PRKCE: variants seen among roughly 807,000 people sequenced by gnomAD.
PRKCE encodes the protein protein kinase C epsilon.
In PRKCE, 16 loss-of-function variants were observed where a neutral mutation model predicts 85.4. The observed-to-expected ratio is 0.19, with a 90% CI of 0.13 to 0.28. The LOEUF is 0.28. Ranked by LOEUF, PRKCE falls within the 10% of genes least tolerant of loss-of-function variation. PRKCE has a pLI of 1.00. For missense variants in PRKCE, 573 were observed against 975.2 expected (o/e 0.59, Z 5.49); for synonymous variants, 388 against 371.5 (o/e 1.04, Z -0.51).
At chr2:45,997,423 AT>A (rs1558938024) in intron 6 of PRKCE, among the ~76,000 whole-genome samples, 1 of 152,028 alleles carries the variant, frequency 6.6e-6, no homozygotes, top group Non-Finnish European at 1.5e-5. Context: ...TAGATTATTG[AT>A]TTTTAGAATG....
intron 6 of PRKCE, among the ~76,000 whole-genome samples, chr2:45,995,762 A>T (rs1346051275): frequency 6.6e-6 from 1 of 152,160 alleles, no homozygotes; most frequent in Non-Finnish European, 1.5e-5. Flanking sequence ...GCTTTATAGT[A>T]AGTCTTGAAA....
At chr2:45,885,542 A>G (rs904451317) in intron 2 of PRKCE, among the ~76,000 whole-genome samples, 13 of 152,234 alleles carry the variant, frequency 8.5e-5, no homozygotes, top group African/African-American at 1.4e-4. Flanking sequence ...GGACCACTTC[A>G]TTTAAAAAAG....
At chr2:46,133,277 G>A (rs1170877324) in intron 11 of PRKCE, among the ~76,000 whole-genome samples, 1 of 152,152 alleles carries the variant, frequency 6.6e-6, no homozygotes, top group East Asian at 1.9e-4. Context: ...GGCTGGACTT[G>A]GAGCTACAAA....
At chr2:46,082,385 G>C (rs1457442255) in intron 10 of PRKCE, among the ~76,000 whole-genome samples, 3 of 152,162 alleles carry the variant, frequency 2.0e-5, no homozygotes, top group Non-Finnish European at 4.4e-5. Flanking sequence ...GAGGGAGAGA[G>C]AGGTATTAAA....
chr2:45,764,687 A>T (rs1203259197), intron 1 of PRKCE, among the ~76,000 whole-genome samples: 1 of 152,168 alleles, frequency 6.6e-6, no homozygotes, highest in East Asian at 1.9e-4. Flanking sequence ...TGATCTGTTC[A>T]TTTAGTAAGC....
At chr2:45,958,666 CTCTATGAGTTTTAATTT>C (rs1443651111) in intron 2 of PRKCE, among the ~76,000 whole-genome samples, 2 of 149,416 alleles carry the variant, frequency 1.3e-5, no homozygotes. Flanking sequence ...AGGGAGTTGT[CTCTATGAGTTTTAATTT>C]TCTATGAGTT....
At chr2:45,814,246 T>G (rs553824849) in intron 1 of PRKCE, among the ~76,000 whole-genome samples, 1 of 152,346 alleles carries the variant, frequency 6.6e-6, no homozygotes, top group African/African-American at 2.4e-5. Flanking sequence ...AGTGGCAAAC[T>G]TGACGGATTT....
At chr2:45,883,169 C>T (rs1203887410) in intron 2 of PRKCE, among the ~76,000 whole-genome samples, 1 of 152,256 alleles carries the variant, frequency 6.6e-6, no homozygotes, top group Non-Finnish European at 1.5e-5. Flanking sequence ...TGTGTGTTCA[C>T]TGCATATCGA....
chr2:46,170,898 A>G (rs1678829335), intron 14 of PRKCE, among the ~76,000 whole-genome samples: 1 of 152,202 alleles, frequency 6.6e-6, no homozygotes, highest in African/African-American at 2.4e-5. Flanking sequence ...AAGTGGAGGA[A>G]CTGGGCCTTT....
Position 46,184,621 on chromosome 2 carries a change from G to A in PRKCE, c.2068-114G>A. 7.4e-7 allele frequency: 1 copy of A among 1,344,402 alleles called. No individual in the cohort carries two copies. The highest frequency in any genetic ancestry group is 1.4e-5 in the South Asian group (1 of 72,334). 83.3% of individuals were successfully genotyped at this position (1,344,402 alleles called of 1,614,324 possible). A position where few individuals can be genotyped will look rare whatever the true frequency, so the allele number is the denominator to read the frequency against. On this transcript the variant is annotated intron_variant, in intron 14 of 14. Transcript: ENST00000306156. This position sits in a 1 kb window ranked among gnomAD's most constrained non-coding sequence, Gnocchi z 5.0. ...ACAGCCCCGTGTCTGCTGTCTGTTG[G>A]TAGCTAGAGGCCTGCTTTGGTGACA... is the stretch of plus-strand genomic sequence containing the variant.
intron 12 of PRKCE, among the ~76,000 whole-genome samples, chr2:46,150,688 C>T (rs1345046241): frequency 6.6e-6 from 1 of 152,194 alleles, no homozygotes; most frequent in Non-Finnish European, 1.5e-5. Context: ...CTTGTTCTCT[C>T]AGTATGCATC....
chr2:45,689,261 G>A (rs1346056907), intron 1 of PRKCE, among the ~76,000 whole-genome samples: 2 of 152,192 alleles, frequency 1.3e-5, no homozygotes, highest in Non-Finnish European at 2.9e-5. Context: ...ATAAAGAACA[G>A]TGATGCCTTA....
intron 1 of PRKCE, among the ~76,000 whole-genome samples, chr2:45,814,394 G>A (rs1293877636): frequency 6.6e-6 from 1 of 152,224 alleles, no homozygotes; most frequent in Non-Finnish European, 1.5e-5. Context: ...CTGCCTGGAA[G>A]GCAGTGGTTT....
chr2:45,858,338 G>A (rs1573631735), intron 2 of PRKCE, among the ~76,000 whole-genome samples: 1 of 152,088 alleles, frequency 6.6e-6, no homozygotes, highest in African/African-American at 2.4e-5. Context: ...TACTGCATGA[G>A]GCCTTCGTCA....
At chr2:46,131,165 A>C (rs1021588310) in intron 11 of PRKCE, among the ~76,000 whole-genome samples, 1 of 152,190 alleles carries the variant, frequency 6.6e-6, no homozygotes, top group African/African-American at 2.4e-5. Context: ...TCTTGCTCCA[A>C]GTAGAGTCTT....
rs1706955375 is a variant in PRKCE at position 46,024,610 on chromosome 2, C to T, written c.1437+14093C>T. 2.6e-5 allele frequency among the ~76,000 whole-genome samples: 4 copies of T among 152,274 alleles called. No individual in the cohort carries two copies. The South Asian group carries it at 8.3e-4, about 32-fold the overall frequency. On this transcript the variant is annotated intron_variant, in intron 10 of 14. Transcript: ENST00000306156. ...GCTCTGGCTCTTAGAGCTGAGCCTG[C>T]TGGTGCTAACAGATTTGGGCCTGAG... is the stretch of plus-strand genomic sequence containing the variant.
chr2:45,966,811 A>T (rs1054782561), intron 2 of PRKCE, among the ~76,000 whole-genome samples: 6 of 152,144 alleles, frequency 3.9e-5, no homozygotes. Flanking sequence ...ATCTGGGGGT[A>T]GCTGAACCCC....
chr2:46,008,742 T>A (rs1400879054), intron 9 of PRKCE, among the ~76,000 whole-genome samples: 3 of 152,140 alleles, frequency 2.0e-5, no homozygotes, highest in Admixed American at 2.0e-4. Context: ...ACTGACTAAA[T>A]AAAAAGAGGT....
At chr2:46,015,075 GCC>G (rs1706011278) in intron 10 of PRKCE, among the ~76,000 whole-genome samples, 1 of 152,166 alleles carries the variant, frequency 6.6e-6, no homozygotes, top group Non-Finnish European at 1.5e-5. Flanking sequence ...AATGCTGTGA[GCC>G]CTCCTTATTG....
Sources: gnomAD v4.1 joint callset for allele counts (sites outside exome capture counted in the v4.1 genomes callset) on GRCh38, gnomAD v4.1.1 for gene constraint, Gnocchi (gnomAD v3.1) non-coding constraint, MANE v1.5 for transcripts, NCBI Gene and HGNC (gene_info 2026-07-23, HGNC 2026-07-21) for gene names.